PTDSS1: variants seen among roughly 807,000 people sequenced by gnomAD.
The protein encoded by PTDSS1 is phosphatidylserine synthase 1, also known as PSS-1.
A neutral mutation model predicts 70.5 loss-of-function variants in PTDSS1; 45 were observed. That is an observed-to-expected ratio of 0.64 (90% CI 0.50 to 0.82). The LOEUF is 0.82. Ranked by LOEUF, PTDSS1 falls within the 40% of genes least tolerant of loss-of-function variation. The pLI is 0.00. For missense variants in PTDSS1, 417 were observed against 586.1 expected, an observed-to-expected ratio of 0.71 and a Z score of 2.98; for synonymous variants, 188 against 203.8, an observed-to-expected ratio of 0.92 and a Z score of 0.66.
rs1368148823 is a variant in PTDSS1, at chr8:96,334,526, A to G, written c.*960A>G. ...TCTGATGGATCCCTGTTTTAAATAA[A>G]AACGATTCACTTTAAAGCCTATCAA... is the stretch of plus-strand genomic sequence containing the variant. On this transcript the variant is annotated 3_prime_UTR_variant, in exon 13 of 13. Coordinates refer to ENST00000517309, the MANE Select transcript of PTDSS1 (RefSeq NM_014754.3). The G allele has an allele frequency of 6.5e-6, 1 of 152,682 alleles. No individual in the cohort carries two copies. Among genetic ancestry groups the G allele is most frequent in the Admixed American group, 6.5e-5 (1 of 15,288 alleles). The allele number at this position is 152,682 out of a possible 1,614,324, so 9.5% of individuals were successfully genotyped here.
At chr8:96,321,113 TAG>T (rs1415121111) in intron 10 of PTDSS1, among the ~76,000 whole-genome samples, 2 of 152,194 alleles carry the variant, frequency 1.3e-5, no homozygotes, top group Non-Finnish European at 2.9e-5. Flanking sequence ...CATGTGCAAA[TAG>T]AGAGGATAGA....
Position 96,335,555 on chromosome 8 carries a change from C to T in PTDSS1, c.*1989C>T, listed in dbSNP as rs554922967. On this transcript the variant is annotated 3_prime_UTR_variant, in exon 13 of 13. Transcript: ENST00000517309. Reference sequence around the variant, plus strand: ...GCAGCTGTTTCGCAGGTGGTGAATTCGACTTTACTGTGGCATTGTGAAGAG... The same window carrying T: ...GCAGCTGTTTCGCAGGTGGTGAATTTGACTTTACTGTGGCATTGTGAAGAG... The T allele has an allele frequency of 8.5e-5, 13 of 152,224 alleles. No individual in the cohort carries two copies. The highest frequency in any genetic ancestry group is 3.1e-4 in the African/African-American group (13 of 41,438). 9.4% of individuals were successfully genotyped at this position (152,224 alleles called of 1,614,324 possible). A position where few individuals can be genotyped will look rare whatever the true frequency, so the allele number is the denominator to read the frequency against.
At chr8:96,278,407 G>A (rs1036682277) in intron 2 of PTDSS1, among the ~76,000 whole-genome samples, 24 of 152,314 alleles carry the variant, frequency 1.6e-4, no homozygotes, top group Non-Finnish European at 1.5e-5. Flanking sequence ...ACAATCAACA[G>A]GGTGAGTGGT....
chr8:96,316,439 G>T (rs990738470), intron 9 of PTDSS1, among the ~76,000 whole-genome samples: 2 of 152,166 alleles, frequency 1.3e-5, no homozygotes, highest in Non-Finnish European at 1.5e-5. Context: ...GCAGCTGGAG[G>T]CCATAATCCT....
At chr8:96,301,036 G>A (rs1415547270) in intron 6 of PTDSS1, among the ~76,000 whole-genome samples, 2 of 151,910 alleles carry the variant, frequency 1.3e-5, no homozygotes, top group African/African-American at 2.4e-5. Flanking sequence ...AATTTCTATT[G>A]GATTTACCCT....
chr8:96,305,933 G>A (rs976567439), intron 7 of PTDSS1, among the ~76,000 whole-genome samples: 4 of 152,110 alleles, frequency 2.6e-5, no homozygotes, highest in African/African-American at 4.8e-5. Flanking sequence ...TGCCCGCCTC[G>A]GGCTTCCAAA....
Position 96,262,259 on chromosome 8 carries a change from T to TGGGC in PTDSS1, c.179+40_179+41insGGGC. ...CCGAGCGGGGGGCGCGTCCAAGGGC[T>TGGGC]AGGGAAGAGGCGGGAGGGAGGGTGG... is the stretch of plus-strand genomic sequence containing the variant. On this transcript the variant is annotated intron_variant, in intron 1 of 12. Coordinates refer to ENST00000517309, the MANE Select transcript of PTDSS1 (RefSeq NM_014754.3). The surrounding 1 kb of genome is among the most constrained non-coding windows in gnomAD (Gnocchi z 4.4). 1 of 1,507,600 alleles carries TGGGC rather than the reference T, an allele frequency of 6.6e-7. No individual in the cohort carries two copies. The highest frequency in any genetic ancestry group is 9.0e-7 in the Non-Finnish European group (1 of 1,110,674). 93.4% of individuals were successfully genotyped at this position (1,507,600 alleles called of 1,614,324 possible). A position where few individuals can be genotyped will look rare whatever the true frequency, so the allele number is the denominator to read the frequency against.
At chr8:96,268,562 CA>C (rs1026119139) in intron 1 of PTDSS1, among the ~76,000 whole-genome samples, 21 of 151,458 alleles carry the variant, frequency 1.4e-4, no homozygotes, top group African/African-American at 4.6e-4. Context: ...CCCCTCTGGT[CA>C]AATTCCTGTA....
chr8:96,279,331 C>T (rs1810699497), intron 2 of PTDSS1, among the ~76,000 whole-genome samples: 1 of 151,578 alleles, frequency 6.6e-6, no homozygotes, highest in South Asian at 2.1e-4. Flanking sequence ...ACTAGTATTT[C>T]TTATTTTTCC....
At chr8:96,275,047 TC>T (rs1345737321) in intron 2 of PTDSS1, among the ~76,000 whole-genome samples, 1 of 152,170 alleles carries the variant, frequency 6.6e-6, no homozygotes, top group African/African-American at 2.4e-5. Flanking sequence ...GATTGATGGT[TC>T]TGGTAGTGCA....
At chr8:96,297,967 CA>C (rs1323643176) in intron 5 of PTDSS1, among the ~76,000 whole-genome samples, 1 of 152,210 alleles carries the variant, frequency 6.6e-6, no homozygotes, top group African/African-American at 2.4e-5. Flanking sequence ...ATCGGGGGCC[CA>C]TCTCACCCCC....
At chr8:96,324,874 T>A (rs1298200644) in intron 10 of PTDSS1, among the ~76,000 whole-genome samples, 2 of 152,222 alleles carry the variant, frequency 1.3e-5, no homozygotes, top group African/African-American at 4.8e-5. Context: ...CTTTTGTGGG[T>A]TAGCCTTTGT....
At chr8:96,298,904 G>A (rs546186267) in intron 5 of PTDSS1, among the ~76,000 whole-genome samples, 5 of 152,086 alleles carry the variant, frequency 3.3e-5, no homozygotes, top group South Asian at 4.2e-4. Context: ...GCCGGGCATG[G>A]TGGTGTGTGC....
chr8:96,330,484 C>A (rs1285374835), intron 11 of PTDSS1: 8 of 551,782 alleles, frequency 1.4e-5, no homozygotes, highest in Non-Finnish European at 2.3e-5. Flanking sequence ...GTTCAGTAGA[C>A]CAATATTTTT....
Position 96,262,264 on chromosome 8 carries a change from AAGAGGCGGG to A in PTDSS1, c.179+48_179+56del, listed in dbSNP as rs1563556135. The A allele has an allele frequency of 2.0e-6, 3 of 1,472,772 alleles. No individual in the cohort carries two copies. The highest frequency in any genetic ancestry group is 2.8e-6 in the Non-Finnish European group (3 of 1,075,130). The allele number at this position is 1,472,772 out of a possible 1,614,324, so 91.2% of individuals were successfully genotyped here. ...CGGGGGGCGCGTCCAAGGGCTAGGGAAGAGGCGGGAGGGAGGGTGGCGGGGAGGGGGGCC... is the reference window on the plus strand; with the variant it reads ...CGGGGGGCGCGTCCAAGGGCTAGGGAAGGGAGGGTGGCGGGGAGGGGGGCC... On this transcript the variant is annotated intron_variant, in intron 1 of 12. Coordinates refer to ENST00000517309, the MANE Select transcript of PTDSS1 (RefSeq NM_014754.3). This position sits in a 1 kb window ranked among gnomAD's most constrained non-coding sequence, Gnocchi z 4.4.
intron 10 of PTDSS1, among the ~76,000 whole-genome samples, chr8:96,328,140 G>A (rs1811464627): frequency 6.6e-6 from 1 of 152,146 alleles, no homozygotes; most frequent in Non-Finnish European, 1.5e-5. Flanking sequence ...GCCTGGGGCT[G>A]GGGAAGGGAA....
chr8:96,330,343 C>G, intron 11 of PTDSS1, 62 bp downstream of exon 11: 1 of 1,499,118 alleles, frequency 6.7e-7, no homozygotes, highest in Non-Finnish European at 9.2e-7. Flanking sequence ...TCGGCAAATT[C>G]GCTCAGAGCA....
chr8:96,332,904 G>A (rs1012767838), intron 12 of PTDSS1, among the ~76,000 whole-genome samples: 2 of 152,200 alleles, frequency 1.3e-5, no homozygotes, highest in Non-Finnish European at 2.9e-5. Context: ...AGGCTCAGCT[G>A]GAGGGCAGAG....
chr8:96,318,340 G>C (rs1811325152), intron 9 of PTDSS1, among the ~76,000 whole-genome samples: 1 of 151,658 alleles, frequency 6.6e-6, no homozygotes, highest in African/African-American at 2.4e-5. Context: ...AAAAGATAGA[G>C]GGCCTCAAGT....
Sources: gnomAD v4.1 joint callset for allele counts (sites outside exome capture counted in the v4.1 genomes callset) on GRCh38, gnomAD v4.1.1 for gene constraint, Gnocchi (gnomAD v3.1) non-coding constraint, MANE v1.5 for transcripts, NCBI Gene and HGNC (gene_info 2026-07-23, HGNC 2026-07-21) for gene names.